RP1: variants seen among roughly 807,000 people sequenced by gnomAD.
RP1 encodes the protein RP1 axonemal microtubule associated, also known as oxygen-regulated protein 1.
Under a neutral mutation model 14.8 loss-of-function variants are expected in RP1, and 16 were observed. That is an observed-to-expected ratio of 1.08 (90% confidence interval 0.73 to 1.65). The LOEUF (loss-of-function observed/expected upper bound fraction) is 1.65. RP1 is among the 40% of genes most tolerant of loss of function. The pLI, the probability that RP1 is intolerant of heterozygous loss-of-function variation, is 0.00. For missense variants in RP1, 2,631 were observed against 2,535.0 expected (o/e 1.04, Z -0.81); for synonymous variants, 876 against 883.6 (o/e 0.99, Z 0.15).
intron 13 of RP1, among the ~76,000 whole-genome samples, chr8:54,701,199 A>G (rs1563352071): frequency 6.6e-6 from 1 of 152,198 alleles, no homozygotes; most frequent in Non-Finnish European, 1.5e-5. Context: ...ATGAAAAAAA[A>G]TGATAAGATA....
At chr8:54,781,129 G>C (rs1479296144) in intron 23 of RP1, 1 of 668,398 alleles carries the variant, frequency 1.5e-6, no homozygotes, top group Non-Finnish European at 1.8e-6. Flanking sequence ...TTAAATGAAA[G>C]ACATTGCTAT....
chr8:54,623,250 T>C (rs1183072508), intron 3 of RP1, among the ~76,000 whole-genome samples: 1 of 152,196 alleles, frequency 6.6e-6, no homozygotes, highest in Non-Finnish European at 1.5e-5. Context: ...GATTTTATTA[T>C]CTTATGTCTG....
intron 27 of RP1, among the ~76,000 whole-genome samples, chr8:54,860,645 C>T (rs1812322254): frequency 6.6e-6 from 1 of 152,184 alleles, no homozygotes; most frequent in African/African-American, 2.4e-5. Context: ...TCCAGAGGTC[C>T]TCAGACTGCG....
chr8:54,697,101 G>T, intron 12 of RP1: 1 of 1,557,820 alleles, frequency 6.4e-7, no homozygotes, highest in Non-Finnish European at 8.7e-7. Flanking sequence ...GGCTATCGGG[G>T]TGAACGCATC....
intron 19 of RP1, among the ~76,000 whole-genome samples, chr8:54,748,248 G>A (rs1275643995): frequency 2.0e-5 from 3 of 152,084 alleles, no homozygotes; most frequent in Non-Finnish European, 4.4e-5. Flanking sequence ...TCACTTCAGG[G>A]TTCTAGAAAG....
chr8:54,790,332 G>T (rs910880204), intron 24 of RP1, among the ~76,000 whole-genome samples: 1 of 152,168 alleles, frequency 6.6e-6, no homozygotes, highest in African/African-American at 2.4e-5. Flanking sequence ...TGGGCTGATG[G>T]GTGAAGGTCT....
chr8:54,721,496 G>T (rs894892278), intron 16 of RP1, among the ~76,000 whole-genome samples: 1 of 152,008 alleles, frequency 6.6e-6, no homozygotes, highest in African/African-American at 2.4e-5. Flanking sequence ...GAGATGAAAA[G>T]GTGAAAAAGA....
Position 54,789,622 on chromosome 8 carries a change from C to A in RP1, c.3615+5912C>A, listed in dbSNP as rs747687148. On this transcript the variant is annotated intron_variant, in intron 24 of 28. Transcript: ENST00000637698. ...TTCAGCTGTGAAGTTTAGCTTACAG[C>A]CCCACCTGACAATAAAACCCAGCCT... Among the ~76,000 whole-genome samples the A allele has an allele frequency of 5.9e-5, 9 of 152,180 alleles. 1 individual carries two copies. The highest frequency in any genetic ancestry group is 1.0e-4 in the Non-Finnish European group (7 of 68,030).
chr8:54,576,186 G>A (rs1171894212), intron 1 of RP1, among the ~76,000 whole-genome samples: 1 of 152,076 alleles, frequency 6.6e-6, no homozygotes, highest in Non-Finnish European at 1.5e-5. Context: ...GACTACAGGC[G>A]CGCGCCACCA....
intron 19 of RP1, among the ~76,000 whole-genome samples, chr8:54,752,322 G>C (rs894118655): frequency 6.6e-6 from 1 of 152,092 alleles, no homozygotes; most frequent in Non-Finnish European, 1.5e-5. Flanking sequence ...CCCTATGTTT[G>C]GTCAATCAGT....
intron 15 of RP1, among the ~76,000 whole-genome samples, chr8:54,718,159 G>A (rs562734495): frequency 6.6e-6 from 1 of 152,108 alleles, no homozygotes; most frequent in Non-Finnish European, 1.5e-5. Context: ...CTTTATCATA[G>A]ATTCAATACA....
chr8:54,693,774 T>A (rs1807780835), intron 12 of RP1, among the ~76,000 whole-genome samples: 2 of 152,144 alleles, frequency 1.3e-5, no homozygotes, highest in African/African-American at 4.8e-5. Context: ...ACATGGACAA[T>A]TTGACTTCCT....
chr8:54,773,731 G>A (rs1405040808), downstream of RP1, among the ~76,000 whole-genome samples: 1 of 152,116 alleles, frequency 6.6e-6, no homozygotes, highest in Non-Finnish European at 1.5e-5. Context: ...GTAAATGAAA[G>A]AACTGATATT....
At chr8:54,809,939 C>T (rs1326695298) in intron 24 of RP1, among the ~76,000 whole-genome samples, 6 of 152,068 alleles carry the variant, frequency 3.9e-5, no homozygotes, top group African/African-American at 1.2e-4. Flanking sequence ...TCAGTATTGC[C>T]GAGAGTCCAG....
chr8:54,588,144 T>C (rs1176174056), intron 1 of RP1, among the ~76,000 whole-genome samples: 12 of 152,238 alleles, frequency 7.9e-5, no homozygotes, highest in African/African-American at 2.9e-4. Flanking sequence ...GGTGCATATT[T>C]CATTTTAAGT....
Position 54,628,917 on chromosome 8 carries a change from T to C in RP1, c.5035T>C (p.Ser1679Pro). The C allele has an allele frequency of 1.2e-6, 2 of 1,614,084 alleles. No homozygotes were observed. Among genetic ancestry groups the C allele is most frequent in the Non-Finnish European group, 1.7e-6 (2 of 1,179,962 alleles). ...KASLYDSEGQ[S>P]FGSSEQVSSS... ...AAGTCTTTATGATTCTGAAGGGCAG[T>C]CATTTGGCTCTTCTGAACAGGTATC... The change falls in exon 4 of 4, where the codon TCA becomes CCA. Residue 1679 changes from serine to proline, a missense_variant. Coordinates refer to ENST00000220676, the MANE Select transcript of RP1 (RefSeq NM_006269.2).
chr8:54,810,244 A>C (rs2129392761), intron 24 of RP1, among the ~76,000 whole-genome samples: 1 of 152,344 alleles, frequency 6.6e-6, no homozygotes, highest in African/African-American at 2.4e-5. Flanking sequence ...CTCATAAGCA[A>C]TCAGCCTGAG....
chr8:54,724,326 T>A lies in RP1; in HGVS notation c.2390-2019T>A, dbSNP rs561150100. 2.7e-4 allele frequency among the ~76,000 whole-genome samples: 41 copies of A among 152,352 alleles called. 1 individual carries two copies. Among genetic ancestry groups the A allele is most frequent in the South Asian group, 8.3e-4 (4 of 4,828 alleles). On this transcript the variant is annotated intron_variant, in intron 16 of 22. Transcript: ENST00000636932. The stretch of plus-strand genomic sequence containing the variant: ...GTTTTCACTTGTTTTACTTTTAAAA[T>A]AGAAGGTATTCAATAAAACAAAAGA...
In RP1 at chr8:54,791,461, A is replaced by G. The variant is rs376112507; in HGVS notation, c.3615+7751A>G. 2.8e-3 allele frequency among the ~76,000 whole-genome samples: 429 copies of G among 152,278 alleles called. 2 individuals are homozygous for G. The highest frequency in any genetic ancestry group is 1.0e-2 in the African/African-American group (415 of 41,596). On this transcript the variant is annotated intron_variant, in intron 24 of 28. Coordinates refer to the RP1 transcript ENST00000637698. ...AGGCAGAATTCTCTAAATTTTTATT[A>G]TGGTGATGCATAACTCATTTCAATT...
Sources: allele counts gnomAD v4.1 joint callset (sites outside exome capture counted in the v4.1 genomes callset), GRCh38; gene constraint gnomAD v4.1.1; transcripts MANE v1.5; gene names NCBI Gene and HGNC (gene_info 2026-07-23, HGNC 2026-07-21).